Variants in SH3BGRL2 observed in about 807,000 individuals in gnomAD.
SH3BGRL2 encodes SH3 domain-binding glutamic acid-rich-like protein 2.
In SH3BGRL2, 21 loss-of-function variants were observed where a neutral mutation model predicts 14.8. The observed-to-expected ratio is 1.42, with a 90% CI of 1.01 to 2.05. The LOEUF (loss-of-function observed/expected upper bound fraction) is 2.05. SH3BGRL2 is among the 30% of genes most tolerant of loss of function. The pLI is 0.00. For synonymous variants in SH3BGRL2, 50 were observed against 47.8 expected (o/e 1.05, Z -0.19); for missense variants, 147 against 130.8 (o/e 1.12, Z -0.61).
intron 1 of SH3BGRL2, among the ~76,000 whole-genome samples, chr6:79,652,008 G>T (rs1207818282): frequency 6.6e-6 from 1 of 152,148 alleles, no homozygotes; most frequent in Non-Finnish European, 1.5e-5. Context: ...AATTCCCTCA[G>T]CTGTGACCAC....
chr6:79,682,105 T>C (rs1769999529), intron 2 of SH3BGRL2, among the ~76,000 whole-genome samples: 1 of 152,144 alleles, frequency 6.6e-6, no homozygotes, highest in African/African-American at 2.4e-5. Context: ...GAAAGAGATA[T>C]TTAAAAGTAT....
At chr6:79,577,749 G>T in the SH3BGRL2 span, among the ~76,000 whole-genome samples, 7 of 152,184 alleles carry the variant, frequency 4.6e-5, no homozygotes, top group Non-Finnish European at 1.0e-4. Flanking sequence ...TGAGGTACCT[G>T]GTTCATCTCA....
At chr6:79,621,595 A>T in the SH3BGRL2 span, among the ~76,000 whole-genome samples, 1 of 152,222 alleles carries the variant, frequency 6.6e-6, no homozygotes, top group Non-Finnish European at 1.5e-5. Context: ...AACAGATGTT[A>T]AGTAATTCAC....
chr6:79,570,188 T>C, the SH3BGRL2 span, among the ~76,000 whole-genome samples: 1 of 152,192 alleles, frequency 6.6e-6, no homozygotes, highest in Non-Finnish European at 1.5e-5. Flanking sequence ...GAAACATTAA[T>C]GTGCCATGCT....
chr6:79,538,018 G>GTTT, the SH3BGRL2 span, among the ~76,000 whole-genome samples: 655 of 44,148 alleles, frequency 0.015, 152 homozygotes, highest in Non-Finnish European at 0.017. Flanking sequence ...TTGCACACAA[G>GTTT]TTTTTTTTTT....
At chr6:79,562,513 G>A in the SH3BGRL2 span, among the ~76,000 whole-genome samples, 1 of 152,142 alleles carries the variant, frequency 6.6e-6, no homozygotes, top group Non-Finnish European at 1.5e-5. Context: ...GCATAGAGAT[G>A]AGAGTAAGTA....
the SH3BGRL2 span, among the ~76,000 whole-genome samples, chr6:79,604,861 G>A: frequency 3.6e-4 from 55 of 152,282 alleles, 1 homozygote; most frequent in East Asian, 9.8e-3. Flanking sequence ...GGATGTGCCC[G>A]TGGAGGCGGT....
At chr6:79,583,053 A>G in the SH3BGRL2 span, among the ~76,000 whole-genome samples, 1 of 152,378 alleles carries the variant, frequency 6.6e-6, no homozygotes, top group African/African-American at 2.4e-5. Context: ...ACTGGTCATC[A>G]GAGAAATGCA....
chr6:79,593,675 T>C, the SH3BGRL2 span, among the ~76,000 whole-genome samples: 1 of 151,836 alleles, frequency 6.6e-6, no homozygotes, highest in African/African-American at 2.4e-5. Flanking sequence ...TTCATGGAGG[T>C]TTGTAGTCAT....
chr6:79,646,375 C>T (rs1428845261), intron 1 of SH3BGRL2, among the ~76,000 whole-genome samples: 1 of 152,180 alleles, frequency 6.6e-6, no homozygotes, highest in South Asian at 2.1e-4. Flanking sequence ...ATCCATTGTC[C>T]TAATACTTCT....
intron 2 of SH3BGRL2, among the ~76,000 whole-genome samples, chr6:79,682,523 A>C (rs1006278580): frequency 1.3e-5 from 2 of 152,218 alleles, no homozygotes; most frequent in Non-Finnish European, 2.9e-5. Flanking sequence ...AGCCTCCATA[A>C]ATGGTGAGAA....
intron 1 of SH3BGRL2, among the ~76,000 whole-genome samples, chr6:79,642,378 A>T (rs2127724197): frequency 6.6e-6 from 1 of 152,304 alleles, no homozygotes; most frequent in South Asian, 2.1e-4. Context: ...GCATCCAAGG[A>T]TTTTGGCATC....
chr6:79,565,321 A>G, the SH3BGRL2 span, among the ~76,000 whole-genome samples: 4 of 152,184 alleles, frequency 2.6e-5, no homozygotes, highest in African/African-American at 9.6e-5. Flanking sequence ...TTTTAAGGAT[A>G]TAAAATGGTA....
chr6:79,571,195 G>A, the SH3BGRL2 span, among the ~76,000 whole-genome samples: 1 of 152,218 alleles, frequency 6.6e-6, no homozygotes, highest in Non-Finnish European at 1.5e-5. Context: ...CTACAAGGCA[G>A]TGTGTATGGT....
At chr6:79,615,775 G>A in the SH3BGRL2 span, among the ~76,000 whole-genome samples, 1 of 139,062 alleles carries the variant, frequency 7.2e-6, no homozygotes, top group African/African-American at 2.7e-5. Context: ...CTAACATTGT[G>A]TATTTGCTTT....
chr6:79,538,067 G>T, the SH3BGRL2 span, among the ~76,000 whole-genome samples: 4 of 96,068 alleles, frequency 4.2e-5, no homozygotes, highest in South Asian at 3.9e-4. Flanking sequence ...GGAACGTTTT[G>T]AGGAGCATGT....
At chr6:79,609,390 G>T in the SH3BGRL2 span, among the ~76,000 whole-genome samples, 1 of 152,156 alleles carries the variant, frequency 6.6e-6, no homozygotes, top group Non-Finnish European at 1.5e-5. Context: ...CCTGATGCTG[G>T]CTTTGATCCA....
chr6:79,595,832 C>A, the SH3BGRL2 span, among the ~76,000 whole-genome samples: 1 of 151,984 alleles, frequency 6.6e-6, no homozygotes. Context: ...GTCAATTAGG[C>A]AAGAAAATAA....
At chr6:79,671,838 C>T (rs986651176) in intron 1 of SH3BGRL2, among the ~76,000 whole-genome samples, 10 of 152,206 alleles carry the variant, frequency 6.6e-5, no homozygotes, top group African/African-American at 1.4e-4. Flanking sequence ...CTCTGCAGAC[C>T]TTACAAACAG....
Sources: allele counts gnomAD v4.1 joint callset (sites outside exome capture counted in the v4.1 genomes callset), GRCh38; gene constraint gnomAD v4.1.1; transcripts MANE v1.5; gene names NCBI Gene and HGNC (gene_info 2026-07-23, HGNC 2026-07-21).